Variants in SENP1 observed in about 807,000 individuals in gnomAD.
The protein encoded by SENP1 is sentrin-specific protease 1.
SENP1 carries 21 observed loss-of-function variants against 93.0 expected under a neutral mutation model. The observed-to-expected ratio is 0.23, with a 90% CI of 0.16 to 0.33. The LOEUF is 0.33. Among genes scored for constraint, SENP1 ranks in the 10% least tolerant of loss-of-function variants. SENP1 has a pLI of 1.00. For synonymous variants in SENP1, 256 were observed against 259.6 expected (o/e 0.99, Z 0.13); for missense variants, 591 against 758.7 (o/e 0.78, Z 2.60).
At chr12:48,057,608 A>G (rs1942643444) in intron 13 of SENP1, among the ~76,000 whole-genome samples, 1 of 97,354 alleles carries the variant, frequency 1.0e-5, no homozygotes, top group South Asian at 3.2e-4. Flanking sequence ...TATATATTTT[A>G]TATATGTATA....
intron 17 of SENP1, among the ~76,000 whole-genome samples, chr12:48,045,858 T>A (rs763528334): frequency 1.1e-4 from 17 of 152,108 alleles, no homozygotes; most frequent in Non-Finnish European, 1.8e-4. Context: ...TAAACCATAA[T>A]CTCTAATCTC....
rs886878478 is a variant in SENP1, at chr12:48,106,058, T to C, written c.-75A>G. On this transcript the variant is annotated 5_prime_UTR_variant, in exon 1 of 18. Transcript: ENST00000549518. Reference sequence around the variant, plus strand: ...CGGAACCGGCTGCCATGCGAAGGGGTTTCCGGCCGGGCGCGGAACGCAAAA... The same window carrying C: ...CGGAACCGGCTGCCATGCGAAGGGGCTTCCGGCCGGGCGCGGAACGCAAAA... The C allele has an allele frequency of 5.7e-6, 4 of 702,136 alleles. No homozygotes were observed. Among genetic ancestry groups the C allele is most frequent in the African/African-American group, 1.7e-5 (1 of 57,192 alleles). 43.5% of individuals were successfully genotyped at this position (702,136 alleles called of 1,614,324 possible). A position where few individuals can be genotyped will look rare whatever the true frequency, so the allele number is the denominator to read the frequency against.
intron 6 of SENP1, among the ~76,000 whole-genome samples, chr12:48,077,517 G>C (rs1382392142): frequency 6.6e-6 from 1 of 152,152 alleles, no homozygotes; most frequent in Non-Finnish European, 1.5e-5. Context: ...TGAAGAGACT[G>C]TCCTTTCCCT....
In SENP1 at chr12:48,061,564, T is replaced by C. The variant is rs565714967; in HGVS notation, c.1407+2146A>G. 7.2e-5 allele frequency among the ~76,000 whole-genome samples: 11 copies of C among 152,268 alleles called. No homozygotes were observed. In the South Asian group the frequency reaches 1.9e-3, roughly 26 times the overall value. On this transcript the variant is annotated intron_variant, in intron 13 of 17. Transcript: ENST00000549518. ...CTGGGACTACAGGCATATGCCACCA[T>C]GGCTGGCTAATTTTTAATTTTTTTG...
At chr12:48,101,405 A>G in intron 2 of SENP1, 64 bp downstream of exon 2, 1 of 1,317,086 alleles carries the variant, frequency 7.6e-7, no homozygotes, top group Non-Finnish European at 1.1e-6. Flanking sequence ...AGGAAAACCC[A>G]TTCTTTCACT....
At chr12:48,097,970 TA>T in intron 3 of SENP1, 23 bp downstream of exon 3, 1 of 1,603,092 alleles carries the variant, frequency 6.2e-7, no homozygotes, top group Non-Finnish European at 8.5e-7. Context: ...ATTAATTAAT[TA>T]AAGGAAGAAA....
chr12:48,071,864 G>C, intron 8 of SENP1, 143 bp from the exon 9 acceptor site: 1 of 548,662 alleles, frequency 1.8e-6, no homozygotes. Flanking sequence ...GGGAGAGAGA[G>C]AGAGGCAAGT....
At chr12:48,096,602 C>T (rs181755546) in intron 3 of SENP1, among the ~76,000 whole-genome samples, 175 bp from the exon 4 acceptor site, 8 of 152,050 alleles carry the variant, frequency 5.3e-5, no homozygotes, top group South Asian at 2.1e-4. Context: ...ATTACAGGCA[C>T]GCGCCATCAC....
At chr12:48,102,879 T>C (rs897460010) in intron 1 of SENP1, among the ~76,000 whole-genome samples, 32 of 151,880 alleles carry the variant, frequency 2.1e-4, no homozygotes, top group African/African-American at 7.3e-4. Context: ...TCTGATTACC[T>C]AGTCTTGCCA....
intron 17 of SENP1, among the ~76,000 whole-genome samples, chr12:48,045,993 T>C (rs573558982): frequency 6.6e-6 from 1 of 152,152 alleles, no homozygotes; most frequent in South Asian, 2.1e-4. Context: ...CACTAGGAGA[T>C]TGAGGTATGG....
rs755476652 is a variant in SENP1 at position 48,066,969 on chromosome 12, TGG to T, written c.996-6_996-5del. Reference sequence around the variant, plus strand: ...CTCTGCCTGGAAGAAAGTAGAACTATGGGTAGGAAAAGAAAAATTTGACAAAT... The same window carrying T: ...CTCTGCCTGGAAGAAAGTAGAACTATGTAGGAAAAGAAAAATTTGACAAAT... On this transcript the variant is annotated splice_region_variant and splice_polypyrimidine_tract_variant and intron_variant, in intron 9 of 17. Coordinates refer to ENST00000549518, the MANE Select transcript of SENP1 (RefSeq NM_001267594.2). The T allele has an allele frequency of 4.8e-5, 74 of 1,555,128 alleles. No homozygotes were observed. The African/African-American group carries it at 7.8e-4, about 16-fold the overall frequency.
At chr12:48,094,929 T>C (rs55707383) in intron 4 of SENP1, among the ~76,000 whole-genome samples, 8,951 of 152,218 alleles carry the variant, frequency 0.059, 353 homozygotes, top group Non-Finnish European at 0.093. Context: ...ACCATTAATA[T>C]TGACCTATCA....
chr12:48,103,014 T>C (rs1036918387), intron 1 of SENP1, among the ~76,000 whole-genome samples: 1 of 152,198 alleles, frequency 6.6e-6, no homozygotes, highest in South Asian at 2.1e-4. Context: ...TCTTCTTTAA[T>C]AGAGTAGACT....
chr12:48,085,377 C>T, intron 5 of SENP1: 3 of 1,342,430 alleles, frequency 2.2e-6, no homozygotes, highest in Middle Eastern at 1.8e-4. Flanking sequence ...GGACTCCACC[C>T]TGCGGAGGGC....
intron 13 of SENP1, among the ~76,000 whole-genome samples, chr12:48,061,785 G>A (rs1942976797): frequency 6.6e-6 from 1 of 152,080 alleles, no homozygotes; most frequent in Admixed American, 6.6e-5. Context: ...GCTTCTCAAG[G>A]GCAGTAACTT....
chr12:48,053,294 T>C (rs1306688644), intron 13 of SENP1, among the ~76,000 whole-genome samples: 1 of 151,960 alleles, frequency 6.6e-6, no homozygotes, highest in African/African-American at 2.4e-5. Context: ...GGCAATATAG[T>C]GAGACTTTCT....
At position 48,074,395 on chromosome 12, in the gene SENP1, T is replaced by C. The variant is rs775425005; in HGVS notation, c.869A>G (p.His290Arg). The change falls in exon 8 of 18, where the codon CAT (histidine) becomes CGT (arginine). Residue 290 changes from histidine to arginine, a missense_variant. This residue lies in a region of SENP1 where 238 missense variants were observed against 259.1 expected (regional missense o/e 0.92). Coordinates refer to ENST00000549518, the MANE Select transcript of SENP1 (RefSeq NM_001267594.2). ...AFGSKDSGTL[H>R]HPHHHHSVPH... ...AACAGAGTGGTGATGATGGGGATGATGAAGAGTACCAGAATCTTTGGATCC... is the reference window on the plus strand; with the variant it reads ...AACAGAGTGGTGATGATGGGGATGACGAAGAGTACCAGAATCTTTGGATCC... 1 of 1,613,828 alleles carries C rather than the reference T, an allele frequency of 6.2e-7. No homozygotes were observed. Among genetic ancestry groups the C allele is most frequent in the Middle Eastern group, 1.7e-4 (1 of 6,060 alleles).
At chr12:48,051,543 C>T (rs961929846) in intron 13 of SENP1, among the ~76,000 whole-genome samples, 1 of 152,128 alleles carries the variant, frequency 6.6e-6, no homozygotes, top group Non-Finnish European at 1.5e-5. Flanking sequence ...ATTTTTTTAG[C>T]TATTACACCA....
chr12:48,067,055 T>C (rs1301581653), intron 9 of SENP1, 90 bp from the exon 10 acceptor site: 1 of 850,368 alleles, frequency 1.2e-6, no homozygotes, highest in Non-Finnish European at 1.9e-6. Flanking sequence ...ATCATTTAAA[T>C]TGTTTATATG....
Sources: gnomAD v4.1 joint callset for allele counts (sites outside exome capture counted in the v4.1 genomes callset) on GRCh38, gnomAD v4.1.1 for gene constraint, gnomAD v4.1.1 regional missense constraint, MANE v1.5 for transcripts, NCBI Gene and HGNC (gene_info 2026-07-23, HGNC 2026-07-21) for gene names.